Variants in MEGF9 observed in about 807,000 individuals in gnomAD.
MEGF9 encodes the protein multiple epidermal growth factor-like domains protein 9.
A neutral mutation model predicts 46.8 loss-of-function variants in MEGF9; 6 were observed. The ratio of observed to expected loss-of-function variants is 0.13; its 90% CI spans 0.07 to 0.25. MEGF9 has a LOEUF of 0.25. MEGF9 is among the 10% of genes least tolerant of loss of function. MEGF9 has a pLI of 1.00. For synonymous variants in MEGF9, 302 were observed against 330.7 expected, an observed-to-expected ratio of 0.91 and a Z score of 0.94; for missense variants, 683 against 792.4, an observed-to-expected ratio of 0.86 and a Z score of 1.66.
chr9:120,615,729 T>C (rs1368541020), intron 3 of MEGF9, among the ~76,000 whole-genome samples: 1 of 151,842 alleles, frequency 6.6e-6, no homozygotes, highest in Non-Finnish European at 1.5e-5. Context: ...ATACTGTCTC[T>C]ACAAAAAATA....
chr9:120,701,276 C>T (rs2043903846), intron 1 of MEGF9, among the ~76,000 whole-genome samples: 1 of 152,030 alleles, frequency 6.6e-6, no homozygotes, highest in Non-Finnish European at 1.5e-5. Context: ...TGATAAAAAT[C>T]TAATAAGATC....
intron 1 of MEGF9, among the ~76,000 whole-genome samples, chr9:120,701,060 C>T (rs904107074): frequency 6.6e-6 from 1 of 150,686 alleles, no homozygotes; most frequent in African/African-American, 2.4e-5. Flanking sequence ...TCAAGGCTAC[C>T]GTGAGCCACA....
At position 120,681,443 on chromosome 9, in the gene MEGF9, TAAAC is replaced by T. The variant is rs537781056; in HGVS notation, c.602-21872_602-21869del. On this transcript the variant is annotated intron_variant, in intron 1 of 5. Coordinates refer to ENST00000373930, the MANE Select transcript of MEGF9 (RefSeq NM_001080497.3). ...CGCTTTACTCTTTGCATCCTCTCCT[TAAAC>T]AAAAGGAAGGAGTCACTTTTGTTGC... Among the ~76,000 whole-genome samples, 122 of 152,276 alleles carry T rather than the reference TAAAC, an allele frequency of 8.0e-4. No individual in the cohort carries two copies. The Middle Eastern group carries it at 0.01, about 13-fold the overall frequency.
intron 2 of MEGF9, among the ~76,000 whole-genome samples, chr9:120,654,373 C>T (rs2043666936): frequency 6.6e-6 from 1 of 152,152 alleles, no homozygotes; most frequent in South Asian, 2.1e-4. Context: ...AACATGATGA[C>T]ATTTCCGTCA....
At chr9:120,654,712 G>C (rs1240423853) in intron 2 of MEGF9, among the ~76,000 whole-genome samples, 1 of 152,112 alleles carries the variant, frequency 6.6e-6, no homozygotes, top group Non-Finnish European at 1.5e-5. Context: ...GTTTCTTCAT[G>C]AGGTATCCCA....
Position 120,604,478 on chromosome 9 carries a change from T to C in MEGF9, c.*712A>G, listed in dbSNP as rs143627682. On this transcript the variant is annotated 3_prime_UTR_variant, in exon 6 of 6. Transcript: ENST00000373930. ...ATTAACTATGTACACCTTATTTCTCTAGAGGCAGGAATATTCCTTATTTTT... is the reference window on the plus strand; with the variant it reads ...ATTAACTATGTACACCTTATTTCTCCAGAGGCAGGAATATTCCTTATTTTT... 1 of 152,804 alleles carries C rather than the reference T, an allele frequency of 6.5e-6. No individual in the cohort carries two copies. Among genetic ancestry groups the C allele is most frequent in the Non-Finnish European group, 1.5e-5 (1 of 68,084 alleles). The allele number at this position is 152,804 out of a possible 1,614,324, so 9.5% of individuals were successfully genotyped here.
At position 120,709,417 on chromosome 9, in the gene MEGF9, A is replaced by C. The variant is rs144065518; in HGVS notation, c.601+4341T>G. On this transcript the variant is annotated intron_variant, in intron 1 of 5. Coordinates refer to ENST00000373930, the MANE Select transcript of MEGF9 (RefSeq NM_001080497.3). ...AACAGAGTGGAACTCCATCTCAAAA[A>C]AAAAAACAAAAAACAAAAAAAAACT... 8.1e-4 allele frequency among the ~76,000 whole-genome samples: 124 copies of C among 152,206 alleles called. No homozygotes were observed. In the South Asian group the frequency reaches 9.5e-3, roughly 12 times the overall value.
intron 3 of MEGF9, among the ~76,000 whole-genome samples, chr9:120,616,891 A>G (rs2043475366): frequency 2.0e-5 from 3 of 152,158 alleles, no homozygotes; most frequent in Admixed American, 6.5e-5. Flanking sequence ...ATAGGACATA[A>G]TGTTTTCTCT....
intron 2 of MEGF9, among the ~76,000 whole-genome samples, chr9:120,632,899 T>C (rs1019375866): frequency 6.6e-6 from 1 of 152,246 alleles, no homozygotes; most frequent in Non-Finnish European, 1.5e-5. Flanking sequence ...CGTTTATTGA[T>C]TTGCATGTGT....
rs1228512522 is a variant in MEGF9, at chr9:120,625,851, A to AG, written c.804-3097_804-3096insC. 2.6e-3 allele frequency among the ~76,000 whole-genome samples: 386 copies of AG among 149,114 alleles called. 2 individuals are homozygous for AG. The East Asian group carries it at 0.037, about 14-fold the overall frequency. ...TGTCTCACAAAAAAAAAAAAAAAAA[A>AG]AAAAAGAAAGAAAAGAAATCACTCA... On this transcript the variant is annotated intron_variant, in intron 2 of 5. Transcript: ENST00000373930.
intron 1 of MEGF9, among the ~76,000 whole-genome samples, chr9:120,705,038 C>T (rs557521501): frequency 6.6e-5 from 10 of 151,766 alleles, no homozygotes; most frequent in East Asian, 5.8e-4. Context: ...CTTTATTGTT[C>T]CTCAGAAGAA....
chr9:120,645,039 GAAAAAT>G (rs1432715270), intron 2 of MEGF9, among the ~76,000 whole-genome samples: 1 of 152,184 alleles, frequency 6.6e-6, no homozygotes. Flanking sequence ...TCCTGACTGT[GAAAAAT>G]CATTTAAGTT....
At chr9:120,608,905 C>A (rs2043432282) in intron 4 of MEGF9, among the ~76,000 whole-genome samples, 1 of 152,298 alleles carries the variant, frequency 6.6e-6, no homozygotes, top group Admixed American at 6.5e-5. Context: ...ATGTCTCTTT[C>A]CATTCCCACT....
Position 120,714,007 on chromosome 9 carries a change from C to T in MEGF9, c.352G>A (p.Ala118Thr). Residue 118 changes from alanine (A) to threonine (T), a missense_variant, in exon 1 of 6, where the codon GCG becomes ACG. Ala to Thr is a moderately conservative substitution (Grantham distance 58). Coordinates refer to ENST00000373930, the MANE Select transcript of MEGF9 (RefSeq NM_001080497.3). Reference sequence around the variant, plus strand: ...GTGGTCGGCGAGGGGCCGAGCGGCGCCTGAAAGGTGGTGGAAGAGGGTCCA... The same window carrying T: ...GTGGTCGGCGAGGGGCCGAGCGGCGTCTGAAAGGTGGTGGAAGAGGGTCCA... Reference protein sequence around the residue: ...TAGPSSTTFQAPLGPSPTTPP... With the variant: ...TAGPSSTTFQTPLGPSPTTPP... 2 of 1,381,344 alleles carry T rather than the reference C, an allele frequency of 1.4e-6. No individual in the cohort carries two copies. The highest frequency in any genetic ancestry group is 1.9e-6 in the Non-Finnish European group (2 of 1,062,828). 85.6% of individuals were successfully genotyped at this position (1,381,344 alleles called of 1,614,324 possible). A position where few individuals can be genotyped will look rare whatever the true frequency, so the allele number is the denominator to read the frequency against.
chr9:120,695,662 G>GTATAA (rs1265147246), intron 1 of MEGF9, among the ~76,000 whole-genome samples: 1 of 146,464 alleles, frequency 6.8e-6, no homozygotes, highest in Admixed American at 6.8e-5. Context: ...ATGTTAGGAA[G>GTATAA]TATAATAGGA....
In MEGF9 at chr9:120,714,264, ACGG is replaced by A. The variant is rs369989873; in HGVS notation, c.92_94del (p.Ala31del). The A allele has an allele frequency of 2.3e-4, 284 of 1,238,088 alleles. 1 individual carries two copies. Among genetic ancestry groups the A allele is most frequent in the South Asian group, 2.6e-4 (8 of 30,356 alleles). The allele number at this position is 1,238,088 out of a possible 1,614,324, so 76.7% of individuals were successfully genotyped here. Reference sequence around the variant, plus strand: ...ATTCCCCGCCGAGGCGGCTGAGGCGACGGCGGCGGCGGCGGCGGCGGCGGCGCA... The same window carrying A: ...ATTCCCCGCCGAGGCGGCTGAGGCGACGGCGGCGGCGGCGGCGGCGGCGCA... On this transcript the variant is annotated inframe_deletion, in exon 1 of 6. Transcript: ENST00000373930.
intron 2 of MEGF9, among the ~76,000 whole-genome samples, chr9:120,637,366 G>C (rs1032752142): frequency 6.6e-6 from 1 of 151,260 alleles, no homozygotes; most frequent in Admixed American, 6.6e-5. Flanking sequence ...CTCCACTATC[G>C]TCCTATGACC....
At chr9:120,612,575 T>C (rs753889109) in intron 3 of MEGF9, 36 bp from the exon 4 acceptor site, 23 of 1,566,900 alleles carry the variant, frequency 1.5e-5, no homozygotes, top group Non-Finnish European at 1.8e-5. Context: ...AGTTAAAGAT[T>C]TACCTTGAAA....
chr9:120,695,153 A>G (rs1033724516), intron 1 of MEGF9, among the ~76,000 whole-genome samples: 7 of 152,152 alleles, frequency 4.6e-5, no homozygotes, highest in Middle Eastern at 3.2e-3. Flanking sequence ...ATGCTGTTCA[A>G]TGATTTATTT....
Sources: allele counts gnomAD v4.1 joint callset (sites outside exome capture counted in the v4.1 genomes callset), GRCh38; gene constraint gnomAD v4.1.1; transcripts MANE v1.5; gene names NCBI Gene and HGNC (gene_info 2026-07-23, HGNC 2026-07-21).